Variants in MIA3 observed in about 807,000 individuals in gnomAD.
The protein encoded by MIA3 is transport and Golgi organization protein 1 homolog.
In MIA3, 90 loss-of-function variants were observed where a neutral mutation model predicts 192.4. The observed-to-expected ratio is 0.47, with a 90% CI of 0.39 to 0.56. The LOEUF is 0.56. Among genes scored for constraint, MIA3 ranks in the 20% least tolerant of loss-of-function variants. The pLI, the probability that MIA3 is intolerant of heterozygous loss-of-function variation, is 0.00. For synonymous variants in MIA3, 740 were observed against 792.8 expected (o/e 0.93, Z 1.12); for missense variants, 2,123 against 2,269.4 (o/e 0.94, Z 1.31).
At chr1:222,623,268 ATGTTTTTTTTTT>A (rs1052659573) in intron 2 of MIA3, among the ~76,000 whole-genome samples, 16 of 145,796 alleles carry the variant, frequency 1.1e-4, no homozygotes, top group Admixed American at 4.0e-4. Flanking sequence ...ATGTGAGCCT[ATGTTTTTTTTTT>A]TGTTTTTTTT....
In MIA3 at chr1:222,628,794, A is replaced by G. The variant is rs772549912; in HGVS notation, c.1574A>G (p.Glu525Gly). ...TTAAAATCAGCTTATGATGATACAG[A>G]AAATGACCTAAAAGGAGCAGCTATT... is the stretch of plus-strand genomic sequence containing the variant. ...DTLKSAYDDT[E>G]NDLKGAAIHI... The change falls in exon 4 of 28, where the codon GAA becomes GGA. Residue 525 changes from glutamate to glycine, a missense_variant. This residue lies in a region of MIA3 where 1,357 missense variants were observed against 1,396.1 expected (regional missense o/e 0.97). Coordinates refer to ENST00000344922, the MANE Select transcript of MIA3 (RefSeq NM_198551.4). The G allele has an allele frequency of 1.9e-6, 3 of 1,614,184 alleles. No homozygotes were observed. The highest frequency in any genetic ancestry group is 2.5e-6 in the Non-Finnish European group (3 of 1,180,042).
rs745895191 is a variant in MIA3, at chr1:222,654,766, A to G, written c.4580A>G (p.Tyr1527Cys). ...RQKVEILNEL[Y>C]QQKEMALQKK... Reference sequence around the variant, plus strand: ...AAAGTGGAGATTCTGAATGAGCTCTATCAGCAGAAGGAGATGGCTTTGCAA... The same window carrying G: ...AAAGTGGAGATTCTGAATGAGCTCTGTCAGCAGAAGGAGATGGCTTTGCAA... Residue 1527 changes from tyrosine (Y) to cysteine (C), a missense_variant, in exon 18 of 28, where the codon TAT (tyrosine) becomes TGT (cysteine). Coordinates refer to ENST00000344922, the MANE Select transcript of MIA3 (RefSeq NM_198551.4). The G allele has an allele frequency of 6.2e-6, 10 of 1,613,998 alleles. No individual in the cohort carries two copies. The highest frequency in any genetic ancestry group is 4.4e-5 in the South Asian group (4 of 91,084).
intron 2 of MIA3, 30 bp from the exon 3 acceptor site, chr1:222,624,738 T>C (rs1662029853): frequency 1.0e-6 from 1 of 989,878 alleles, no homozygotes; most frequent in South Asian, 1.3e-5. Context: ...TTGATTGATA[T>C]GTGTCCCTTT....
intron 11 of MIA3, 109 bp downstream of exon 11, chr1:222,651,012 T>A: frequency 1.5e-6 from 1 of 654,206 alleles, no homozygotes; most frequent in Middle Eastern, 3.4e-4. Flanking sequence ...AGAGTGCGAG[T>A]CAGGGAAGTT....
intron 1 of MIA3, among the ~76,000 whole-genome samples, chr1:222,618,705 C>T (rs971973602): frequency 2.0e-5 from 3 of 152,060 alleles, no homozygotes; most frequent in African/African-American, 7.2e-5. Flanking sequence ...TCGGTGGGTG[C>T]ATCACCCCGG....
rs77464975 is a variant in MIA3, at chr1:222,636,864, C to G, written c.3477+3615C>G. ...TCCTGCATATTTCAGATGCCTCAGT[C>G]TCCCCGAGCTTTAATCTCTGCCTCC... On this transcript the variant is annotated intron_variant, in intron 6 of 27. Transcript: ENST00000344922. 6.2e-4 allele frequency among the ~76,000 whole-genome samples: 94 copies of G among 152,220 alleles called. 1 individual carries two copies. In the East Asian group the frequency reaches 0.017, roughly 27 times the overall value.
intron 2 of MIA3, among the ~76,000 whole-genome samples, chr1:222,622,706 G>C (rs1242821593): frequency 6.6e-6 from 1 of 152,154 alleles, no homozygotes; most frequent in East Asian, 1.9e-4. Flanking sequence ...CATGTACCTA[G>C]GCTGCGTTTT....
chr1:222,620,822 G>A (rs929529803), intron 1 of MIA3, among the ~76,000 whole-genome samples: 9 of 151,854 alleles, frequency 5.9e-5, no homozygotes, highest in Admixed American at 4.6e-4. Flanking sequence ...AGAAAAGATT[G>A]AGGACTAGAA....
chr1:222,662,590 C>A, intron 26 of MIA3: 1 of 848,282 alleles, frequency 1.2e-6, no homozygotes, highest in Non-Finnish European at 1.6e-6. Flanking sequence ...ATTGATCTTA[C>A]TTTTATCCTT....
chr1:222,639,729 G>T (rs190253049), intron 6 of MIA3, among the ~76,000 whole-genome samples: 4 of 152,106 alleles, frequency 2.6e-5, no homozygotes, highest in Admixed American at 2.6e-4. Context: ...AACAAACTAG[G>T]AATGGAAGGG....
rs1029937042 is a variant in MIA3 at position 222,632,453 on chromosome 1, T to C, written c.3331+127T>C. 31 of 806,640 alleles carry C rather than the reference T, an allele frequency of 3.8e-5. No individual in the cohort carries two copies. The East Asian group carries it at 4.0e-4, about 10-fold the overall frequency. 50.0% of individuals were successfully genotyped at this position (806,640 alleles called of 1,614,324 possible). A position where few individuals can be genotyped will look rare whatever the true frequency, so the allele number is the denominator to read the frequency against. ...AAGGAAAAAAGGATCCCAGAGCTAATTGAGAGAAAAGCAGGCGTCAAGACA... is the reference window on the plus strand; with the variant it reads ...AAGGAAAAAAGGATCCCAGAGCTAACTGAGAGAAAAGCAGGCGTCAAGACA... On this transcript the variant is annotated intron_variant, in intron 5 of 27. Coordinates refer to ENST00000344922, the MANE Select transcript of MIA3 (RefSeq NM_198551.4).
chr1:222,662,275 C>T lies in MIA3; in HGVS notation c.5205C>T (p.Thr1735=). 6.2e-7 allele frequency: 1 copy of T among 1,613,864 alleles called. No homozygotes were observed. Among genetic ancestry groups the T allele is most frequent in the Non-Finnish European group, 8.5e-7 (1 of 1,179,830 alleles). The change falls in exon 26 of 28, where the codon ACC becomes ACT. Residue 1735 remains threonine (T), a synonymous_variant. Coordinates refer to ENST00000344922, the MANE Select transcript of MIA3 (RefSeq NM_198551.4). ...CAGATCCAGGATCTGGTACAGCTAC[C>T]ATGATGAACAGCAGCTCAAGAGGCT... ...SPSDPGSGTA[T]MMNSSSRGSS... is the part of the protein sequence containing the mutation.
At chr1:222,639,462 C>T (rs1446091770) in intron 6 of MIA3, among the ~76,000 whole-genome samples, 1 of 152,094 alleles carries the variant, frequency 6.6e-6, no homozygotes, top group Non-Finnish European at 1.5e-5. Context: ...CAGTATCTCT[C>T]ATAAACATTG....
In MIA3 at chr1:222,629,158, C is replaced by T. The variant is rs374278403; in HGVS notation, c.1938C>T (p.Asp646=). ...TTGATTTGCCCAGAGAACTGGAAGA[C>T]GAGGTTCCCATTCTGGGAAGAAATC... ...DEIDLPRELE[D]EVPILGRNLP... The change falls in exon 4 of 28, where the codon GAC becomes GAT. Residue 646 remains aspartate, a synonymous_variant. Coordinates refer to ENST00000344922, the MANE Select transcript of MIA3 (RefSeq NM_198551.4). 145 of 1,613,998 alleles carry T rather than the reference C, an allele frequency of 9.0e-5. 1 individual carries two copies. The highest frequency in any genetic ancestry group is 1.6e-4 in the South Asian group (15 of 91,074).
intron 18 of MIA3, among the ~76,000 whole-genome samples, chr1:222,657,582 G>A (rs1459239021): frequency 6.6e-6 from 1 of 152,158 alleles, no homozygotes; most frequent in Non-Finnish European, 1.5e-5. Context: ...AGTGTTTGCA[G>A]ACTAACTCAT....
chr1:222,654,586 A>G, intron 17 of MIA3, 69 bp from the exon 18 acceptor site: 2 of 1,576,738 alleles, frequency 1.3e-6, no homozygotes, highest in South Asian at 2.2e-5. Flanking sequence ...TTCTCTCAGC[A>G]CCAGCCCCCA....
intron 7 of MIA3, 130 bp downstream of exon 7, chr1:222,645,815 A>ATTATAC: frequency 2.6e-6 from 2 of 756,202 alleles, no homozygotes; most frequent in Non-Finnish European, 4.0e-6. Flanking sequence ...ACCTTGTAAA[A>ATTATAC]TAATTTAGTA....
chr1:222,650,274 A>T lies in MIA3; in HGVS notation c.3632-18A>T, dbSNP rs980360224. 2 of 1,445,506 alleles carry T rather than the reference A, an allele frequency of 1.4e-6. No homozygotes were observed. The highest frequency in any genetic ancestry group is 2.8e-5 in the African/African-American group (2 of 71,118). The allele number at this position is 1,445,506 out of a possible 1,614,324, so 89.5% of individuals were successfully genotyped here. A position where few individuals can be genotyped will look rare whatever the true frequency, so the allele number is the denominator to read the frequency against. On this transcript the variant is annotated intron_variant, in intron 8 of 27. Coordinates refer to ENST00000344922, the MANE Select transcript of MIA3 (RefSeq NM_198551.4). ...ATTTAGTGATCATAATAACCTTATTATTTTTTTCTTTTTTCAGTCACGGAA... is the reference window on the plus strand; with the variant it reads ...ATTTAGTGATCATAATAACCTTATTTTTTTTTTCTTTTTTCAGTCACGGAA...
Position 222,651,952 on chromosome 1 carries a change from TTTGTG to T in MIA3, c.3910-22_3910-18del. The T allele has an allele frequency of 2.3e-6, 3 of 1,327,912 alleles. No individual in the cohort carries two copies. The highest frequency in any genetic ancestry group is 3.3e-6 in the Non-Finnish European group (3 of 920,396). 82.3% of individuals were successfully genotyped at this position (1,327,912 alleles called of 1,614,324 possible). A position where few individuals can be genotyped will look rare whatever the true frequency, so the allele number is the denominator to read the frequency against. ...TTTCTACTAAAATCCTAATATGCAT[TTTGTG>T]TTCTGTTTTTACATGGCAGATATCA... On this transcript the variant is annotated intron_variant, in intron 11 of 27. Transcript: ENST00000344922.
Sources: allele counts gnomAD v4.1 joint callset (sites outside exome capture counted in the v4.1 genomes callset), GRCh38; gene constraint gnomAD v4.1.1; regional missense constraint gnomAD v4.1.1; transcripts MANE v1.5; gene names NCBI Gene and HGNC (gene_info 2026-07-23, HGNC 2026-07-21).